The following CACNG2 variants were observed in gnomAD, a reference collection of about 807,000 sequenced individuals.
CACNG2 encodes calcium voltage-gated channel auxiliary subunit gamma 2, also known as voltage-dependent calcium channel gamma-2 subunit.
In CACNG2, 3 loss-of-function variants were observed where a neutral mutation model predicts 25.9. The observed-to-expected ratio is 0.12, with a 90% CI of 0.05 to 0.30. The LOEUF (loss-of-function observed/expected upper bound fraction) is 0.30. Among genes scored for constraint, CACNG2 ranks in the 10% least tolerant of loss-of-function variants. The probability of loss-of-function intolerance (pLI) is 1.00; values close to 1 mark genes in which losing one functional copy is unlikely to be tolerated. For synonymous variants in CACNG2, 167 were observed against 173.3 expected (o/e 0.96, Z 0.29); for missense variants, 341 against 432.5 (o/e 0.79, Z 1.88).
intron 1 of CACNG2, among the ~76,000 whole-genome samples, chr22:36,640,242 G>A (rs1936422771): frequency 6.6e-6 from 1 of 152,216 alleles, no homozygotes; most frequent in Non-Finnish European, 1.5e-5. Context: ...GCAATGACAA[G>A]CAGGAGTGAC....
At chr22:36,611,893 C>T (rs1204009778) in intron 1 of CACNG2, among the ~76,000 whole-genome samples, 1 of 152,186 alleles carries the variant, frequency 6.6e-6, no homozygotes, top group African/African-American at 2.4e-5. Flanking sequence ...GCATCAGACT[C>T]CACGAATTCA....
chr22:36,673,897 C>A (rs367837943), intron 1 of CACNG2, among the ~76,000 whole-genome samples: 1 of 152,184 alleles, frequency 6.6e-6, no homozygotes, highest in Non-Finnish European at 1.5e-5. Context: ...GCAGGAGAGG[C>A]AGCAATGTGC....
At chr22:36,695,472 C>T (rs191191688) in intron 1 of CACNG2, among the ~76,000 whole-genome samples, 190 of 150,136 alleles carry the variant, frequency 1.3e-3, no homozygotes, top group African/African-American at 4.4e-3. Context: ...CATCCAGCAT[C>T]ACCACCCTGC....
intron 2 of CACNG2, among the ~76,000 whole-genome samples, chr22:36,568,301 C>T (rs1381731090): frequency 6.6e-6 from 1 of 152,084 alleles, no homozygotes; most frequent in South Asian, 2.1e-4. Context: ...TCCCCATCCC[C>T]GTCCCCACCC....
At chr22:36,589,824 T>C (rs6000335) in intron 1 of CACNG2, among the ~76,000 whole-genome samples, 8,970 of 152,190 alleles carry the variant, frequency 0.059, 885 homozygotes, top group African/African-American at 0.2. Flanking sequence ...AATCCAACCA[T>C]GCACCCTTCT....
At chr22:36,600,442 C>CA (rs1935738210) in intron 1 of CACNG2, among the ~76,000 whole-genome samples, 1 of 67,552 alleles carries the variant, frequency 1.5e-5, no homozygotes. Flanking sequence ...GTAAATAAAC[C>CA]AAAAAAACAA....
At chr22:36,598,701 G>A (rs996838767) in intron 1 of CACNG2, among the ~76,000 whole-genome samples, 3 of 149,788 alleles carry the variant, frequency 2.0e-5, no homozygotes, top group Admixed American at 6.7e-5. Context: ...ATATCTGGCC[G>A]AGCACGGTGG....
At chr22:36,665,923 T>C (rs1936868272) in intron 1 of CACNG2, among the ~76,000 whole-genome samples, 1 of 152,244 alleles carries the variant, frequency 6.6e-6, no homozygotes, top group East Asian at 1.9e-4. Context: ...TATAGCTATG[T>C]TCATGGTAGC....
intron 1 of CACNG2, among the ~76,000 whole-genome samples, chr22:36,640,472 G>A (rs1044617044): frequency 4.6e-5 from 7 of 152,308 alleles, no homozygotes; most frequent in African/African-American, 1.7e-4. Flanking sequence ...CTTGTGGCAG[G>A]GGCTAGGAGG....
intron 1 of CACNG2, among the ~76,000 whole-genome samples, chr22:36,609,573 C>T (rs1935898267): frequency 7.3e-6 from 1 of 137,178 alleles, no homozygotes; most frequent in Non-Finnish European, 1.6e-5. Flanking sequence ...AATCAGCCCC[C>T]CAGAGCGTGA....
At chr22:36,685,702 G>A (rs1177213996) in intron 1 of CACNG2, among the ~76,000 whole-genome samples, 2 of 152,232 alleles carry the variant, frequency 1.3e-5, no homozygotes, top group African/African-American at 4.8e-5. Flanking sequence ...TCAGGGGAAG[G>A]ATTCCGCTGT....
At chr22:36,618,681 G>A (rs546400272) in intron 1 of CACNG2, among the ~76,000 whole-genome samples, 74 of 152,338 alleles carry the variant, frequency 4.9e-4, no homozygotes, top group African/African-American at 1.7e-3. Context: ...AGCACTTTGG[G>A]AGGCTGAGGC....
chr22:36,686,032 G>A (rs754642743), intron 1 of CACNG2, among the ~76,000 whole-genome samples: 5 of 152,228 alleles, frequency 3.3e-5, no homozygotes, highest in Non-Finnish European at 5.9e-5. Context: ...CCACCTGGTT[G>A]AGGAGACAGA....
chr22:36,671,031 G>A (rs1936942090), intron 1 of CACNG2, among the ~76,000 whole-genome samples: 2 of 151,830 alleles, frequency 1.3e-5, no homozygotes, highest in South Asian at 4.2e-4. Flanking sequence ...CGATTCTTGA[G>A]CCTCAGCCTC....
At chr22:36,691,183 T>A (rs1937264285) in intron 1 of CACNG2, among the ~76,000 whole-genome samples, 1 of 152,034 alleles carries the variant, frequency 6.6e-6, no homozygotes, top group African/African-American at 2.4e-5. Flanking sequence ...GATGCTGGGA[T>A]CTGGAGGAAG....
At chr22:36,667,194 C>G (rs1206277960) in intron 1 of CACNG2, among the ~76,000 whole-genome samples, 1 of 152,178 alleles carries the variant, frequency 6.6e-6, no homozygotes, top group Admixed American at 6.5e-5. Flanking sequence ...TGGCCTCAAA[C>G]TTCTGACCTC....
intron 1 of CACNG2, among the ~76,000 whole-genome samples, chr22:36,645,823 A>T (rs1936515151): frequency 6.6e-6 from 1 of 152,212 alleles, no homozygotes; most frequent in Non-Finnish European, 1.5e-5. Flanking sequence ...TTCCATTTCC[A>T]TAAACAAATG....
intron 1 of CACNG2, among the ~76,000 whole-genome samples, chr22:36,677,729 T>G (rs1937037706): frequency 6.6e-6 from 1 of 152,196 alleles, no homozygotes; most frequent in African/African-American, 2.4e-5. Flanking sequence ...CACTGGCATG[T>G]GTTGAGCCTG....
chr22:36,645,661 T>C (rs970035003), intron 1 of CACNG2, among the ~76,000 whole-genome samples: 1 of 152,196 alleles, frequency 6.6e-6, no homozygotes. Flanking sequence ...TTTTCTTCCT[T>C]GACGGCAATG....
Sources: gnomAD v4.1 joint callset for allele counts (sites outside exome capture counted in the v4.1 genomes callset) on GRCh38, gnomAD v4.1.1 for gene constraint, MANE v1.5 for transcripts, NCBI Gene and HGNC (gene_info 2026-07-23, HGNC 2026-07-21) for gene names.